MKNK2: variants seen among roughly 807,000 people sequenced by gnomAD.
The protein encoded by MKNK2 is MAP kinase-interacting serine/threonine-protein kinase 2.
In MKNK2, 54 loss-of-function variants were observed where a neutral mutation model predicts 55.0. The observed-to-expected ratio is 0.98, with a 90% CI of 0.79 to 1.23. The LOEUF (loss-of-function observed/expected upper bound fraction) is 1.23, where lower values mean the gene tolerates loss of function less well. MKNK2 is among the 50% of genes most tolerant of loss of function. The pLI, the probability that MKNK2 is intolerant of heterozygous loss-of-function variation, is 0.00. For synonymous variants in MKNK2, 323 were observed against 256.0 expected (o/e 1.26, Z -2.50); for missense variants, 685 against 632.1 (o/e 1.08, Z -0.90).
rs992084703 is a variant in MKNK2 at position 2,046,132 on chromosome 19, C to T, written c.339+54G>A. ...GAATGCCACACACTGTTTCCACCCCCGCTCAACACCGATCCCAAGGCGCTG... is the reference window on the plus strand; with the variant it reads ...GAATGCCACACACTGTTTCCACCCCTGCTCAACACCGATCCCAAGGCGCTG... On this transcript the variant is annotated intron_variant, in intron 5 of 13. Coordinates refer to ENST00000250896, the MANE Select transcript of MKNK2 (RefSeq NM_199054.3). 564 of 1,541,166 alleles carry T rather than the reference C, an allele frequency of 3.7e-4. 1 individual carries two copies. The highest frequency in any genetic ancestry group is 7.6e-4 in the East Asian group (34 of 44,544).
intron 5 of MKNK2, among the ~76,000 whole-genome samples, chr19:2,043,827 A>G (rs2016944098): frequency 6.6e-6 from 1 of 152,024 alleles, no homozygotes; most frequent in Non-Finnish European, 1.5e-5. Flanking sequence ...TATAAAAATT[A>G]GCTGGGTGTG....
At chr19:2,040,365 C>T in intron 12 of MKNK2, 188 bp from the exon 13 acceptor site, 3 of 558,052 alleles carry the variant, frequency 5.4e-6, no homozygotes, top group Non-Finnish European at 9.4e-6. Context: ...GGCTCCATGT[C>T]CCCCTGCCCA....
Position 2,040,837 on chromosome 19 carries a change from G to A in MKNK2, c.1110+203C>T, listed in dbSNP as rs1463220638. 4.2e-5 allele frequency: 25 copies of A among 594,336 alleles called. No homozygotes were observed. In the East Asian group the frequency reaches 4.6e-4, roughly 11 times the overall value. The allele number at this position is 594,336 out of a possible 1,614,324, so 36.8% of individuals were successfully genotyped here. On this transcript the variant is annotated intron_variant, in intron 12 of 13. Transcript: ENST00000250896. ...CTCTGAGTAGCTGCTCCTGGGAGCC[G>A]CCTGGCTGGCCAGCGGGCACCGTGC... is the stretch of plus-strand genomic sequence containing the variant.
In MKNK2 at chr19:2,046,228, C is replaced by T. The variant is rs993730872; in HGVS notation, c.297G>A (p.Gln99=). 10 of 1,607,766 alleles carry T rather than the reference C, an allele frequency of 6.2e-6. No homozygotes were observed. Among genetic ancestry groups the T allele is most frequent in the African/African-American group, 1.3e-5 (1 of 74,936 alleles). ...GGCTGGTGATCAGGTTGATGCAGGT[C>T]TGCACTCGGGCATGAGCGCCCTCCC... The part of the protein sequence containing the change: ...VLGEGAHARV[Q]TCINLITSQE... Residue 99 remains glutamine, a synonymous_variant, in exon 5 of 14, where the codon CAG becomes CAA. Transcript: ENST00000250896.
rs1278368486 is a variant in MKNK2 at position 2,039,293 on chromosome 19, G to C, written c.*320C>G. 10 of 1,201,984 alleles carry C rather than the reference G, an allele frequency of 8.3e-6. No individual in the cohort carries two copies. The highest frequency in any genetic ancestry group is 1.0e-5 in the Non-Finnish European group (10 of 962,588). The allele number at this position is 1,201,984 out of a possible 1,614,324, so 74.5% of individuals were successfully genotyped here. A position where few individuals can be genotyped will look rare whatever the true frequency, so the allele number is the denominator to read the frequency against. On this transcript the variant is annotated 3_prime_UTR_variant, in exon 14 of 14. Transcript: ENST00000250896. ...ATGGCGGGCAGCACAGGTGACCTGG[G>C]GGCACCTTCATAGTAGAGGTGAGCA... is the stretch of plus-strand genomic sequence containing the variant.
At position 2,046,276 on chromosome 19, in the gene MKNK2, G is replaced by A. The variant is rs1237221573; in HGVS notation, c.249C>T (p.Tyr83=). The A allele has an allele frequency of 6.2e-7, 1 of 1,604,382 alleles. No homozygotes were observed. The highest frequency in any genetic ancestry group is 2.2e-5 in the East Asian group (1 of 44,878). ...CCCCCAGCACATCTTCCTGCAGCTGGTAGACGTCTGCCGGGCAGCGGGGCG... is the reference window on the plus strand; with the variant it reads ...CCCCCAGCACATCTTCCTGCAGCTGATAGACGTCTGCCGGGCAGCGGGGCG... ...DSFSGRFEDV[Y]QLQEDVLGEG... is the part of the protein sequence containing the mutation. Residue 83 remains tyrosine, a synonymous_variant, in exon 5 of 14, where the codon TAC becomes TAT. Transcript: ENST00000250896.
intron 2 of MKNK2, among the ~76,000 whole-genome samples, chr19:2,048,227 G>A (rs1455883454): frequency 6.6e-6 from 1 of 152,116 alleles, no homozygotes; most frequent in Non-Finnish European, 1.5e-5. Context: ...GGGCAGGCTG[G>A]GGCTGGGTCA....
chr19:2,042,908 G>T, intron 7 of MKNK2, 38 bp from the exon 8 acceptor site: 1 of 1,533,472 alleles, frequency 6.5e-7, no homozygotes, highest in African/African-American at 1.4e-5. Flanking sequence ...GGGGGAACAC[G>T]CAGGTCACCT....
chr19:2,044,873 G>A (rs1444708532), intron 5 of MKNK2, among the ~76,000 whole-genome samples: 1 of 152,190 alleles, frequency 6.6e-6, no homozygotes, highest in Non-Finnish European at 1.5e-5. Context: ...TGGCATGGAA[G>A]GGGCCTATTC....
At position 2,037,476 on chromosome 19, in the gene MKNK2, T is replaced by C; in HGVS notation, c.*2137A>G. 3.5e-6 allele frequency: 1 copy of C among 286,504 alleles called. No individual in the cohort carries two copies. The highest frequency in any genetic ancestry group is 6.4e-6 in the Non-Finnish European group (1 of 155,210). The allele number at this position is 286,504 out of a possible 1,614,324, so 17.7% of individuals were successfully genotyped here. A position where few individuals can be genotyped will look rare whatever the true frequency, so the allele number is the denominator to read the frequency against. ...AACTAAAACTCAGGCACACAGCAAG[T>C]TTTTTGACTTTTATTAAATCTTTAC... On this transcript the variant is annotated 3_prime_UTR_variant, in exon 14 of 14. Coordinates refer to ENST00000250896, the MANE Select transcript of MKNK2 (RefSeq NM_199054.3).
At chr19:2,046,093 A>G (rs1199884456) in intron 5 of MKNK2, 93 bp downstream of exon 5, 6 of 1,279,446 alleles carry the variant, frequency 4.7e-6, no homozygotes, top group Non-Finnish European at 6.7e-6. Context: ...TCCCGGCTGT[A>G]GGACGGACAG....
rs969650354 is a variant in MKNK2, at chr19:2,038,383, G to A, written c.*1230C>T. 30 of 986,188 alleles carry A rather than the reference G, an allele frequency of 3.0e-5. No homozygotes were observed. Among genetic ancestry groups the A allele is most frequent in the East Asian group, 1.1e-4 (1 of 8,798 alleles). 61.1% of individuals were successfully genotyped at this position (986,188 alleles called of 1,614,324 possible). A position where few individuals can be genotyped will look rare whatever the true frequency, so the allele number is the denominator to read the frequency against. ...GGGCGGGCGGTGACCCTAGCCGCGC[G>A]CACTTCTAAAGTGGAACCCTGTATT... On this transcript the variant is annotated 3_prime_UTR_variant, in exon 14 of 14. Transcript: ENST00000250896.
intron 2 of MKNK2, among the ~76,000 whole-genome samples, chr19:2,048,062 C>T (rs903262604): frequency 1.3e-5 from 2 of 152,142 alleles, no homozygotes; most frequent in Admixed American, 6.5e-5. Context: ...CACCCACAGG[C>T]GCGAGTGTGC....
rs776835752 is a variant in MKNK2 at position 2,039,611 on chromosome 19, G to A, written c.*2C>T. On this transcript the variant is annotated 3_prime_UTR_variant, in exon 14 of 14. Transcript: ENST00000250896. ...CCTATGTACAGAGGGGAGATGGGAG[G>A]GTCAGGCGTGGTCTCCCACCAGGAC... 3 of 1,609,680 alleles carry A rather than the reference G, an allele frequency of 1.9e-6. No individual in the cohort carries two copies. The highest frequency in any genetic ancestry group is 1.7e-4 in the Middle Eastern group (1 of 6,052).
chr19:2,040,987 C>A (rs773508133), intron 12 of MKNK2, 53 bp downstream of exon 12: 2 of 1,581,424 alleles, frequency 1.3e-6, no homozygotes, highest in East Asian at 2.2e-5. Flanking sequence ...CGCTCTGAGG[C>A]CACCCTGCAG....
At chr19:2,044,116 C>T (rs991529030) in intron 5 of MKNK2, among the ~76,000 whole-genome samples, 2 of 152,000 alleles carry the variant, frequency 1.3e-5, no homozygotes, top group South Asian at 2.1e-4. Flanking sequence ...CTGCCCTGGG[C>T]GGCCACCCTC....
Position 2,042,593 on chromosome 19 carries a change from C to T in MKNK2, c.654+14G>A, listed in dbSNP as rs144556777. The T allele has an allele frequency of 1.3e-6, 2 of 1,568,052 alleles. No homozygotes were observed. Among genetic ancestry groups the T allele is most frequent in the Admixed American group, 1.9e-5 (1 of 51,756 alleles). On this transcript the variant is annotated intron_variant, in intron 9 of 13. Coordinates refer to ENST00000250896, the MANE Select transcript of MKNK2 (RefSeq NM_199054.3). ...CACCCCTCCCGCGGGGCCACCCTGC[C>T]GGAACTGGCCTACCTGGTTGGGGTG...
At position 2,039,361 on chromosome 19, in the gene MKNK2, C is replaced by CT. The variant is rs1344624941; in HGVS notation, c.*251dup. 5 of 1,374,808 alleles carry CT rather than the reference C, an allele frequency of 3.6e-6. No homozygotes were observed. In the African/African-American group the frequency reaches 7.3e-5, roughly 20 times the overall value. The allele number at this position is 1,374,808 out of a possible 1,614,324, so 85.2% of individuals were successfully genotyped here. A position where few individuals can be genotyped will look rare whatever the true frequency, so the allele number is the denominator to read the frequency against. On this transcript the variant is annotated 3_prime_UTR_variant, in exon 14 of 14. Coordinates refer to ENST00000250896, the MANE Select transcript of MKNK2 (RefSeq NM_199054.3). Reference sequence around the variant, plus strand: ...GGGGACAAGCCCACCCACCTACCCTCTGCTCACCTTCCCGGGTGCCTGCAA... The same window carrying CT: ...GGGGACAAGCCCACCCACCTACCCTCTTGCTCACCTTCCCGGGTGCCTGCAA...
chr19:2,039,552 A>G lies in MKNK2; in HGVS notation c.*61T>C. On this transcript the variant is annotated 3_prime_UTR_variant, in exon 14 of 14. Transcript: ENST00000250896. ...GCTGGACACCGGCTGGCGATAGCTT[A>G]AAAAACCTTTAGATTTGATTGGGGG... The G allele has an allele frequency of 6.5e-7, 1 of 1,544,140 alleles. No homozygotes were observed. The highest frequency in any genetic ancestry group is 1.8e-5 in the Admixed American group (1 of 54,838).
Sources: gnomAD v4.1 joint callset for allele counts (sites outside exome capture counted in the v4.1 genomes callset) on GRCh38, gnomAD v4.1.1 for gene constraint, MANE v1.5 for transcripts, NCBI Gene and HGNC (gene_info 2026-07-23, HGNC 2026-07-21) for gene names.